The following SYNE1 variants were observed in gnomAD, a reference collection of about 807,000 sequenced individuals.
SYNE1 encodes the protein nesprin-1.
SYNE1 carries 616 observed loss-of-function variants against 1,111.0 expected under a neutral mutation model. The observed-to-expected ratio is 0.55, with a 90% CI of 0.52 to 0.59. The LOEUF (loss-of-function observed/expected upper bound fraction) is 0.59, where lower values mean the gene tolerates loss of function less well. Among genes scored for constraint, SYNE1 ranks in the 20% least tolerant of loss-of-function variants. The probability of loss-of-function intolerance (pLI) is 0.00; values close to 1 mark genes in which losing one functional copy is unlikely to be tolerated. For missense variants in SYNE1, 10,006 were observed against 10,417.0 expected (o/e 0.96, Z 1.72); for synonymous variants, 3,855 against 3,825.8 (o/e 1.01, Z -0.28).
chr6:152,364,453 C>T (rs1281339843), intron 63 of SYNE1, among the ~76,000 whole-genome samples: 1 of 148,012 alleles, frequency 6.8e-6, no homozygotes, highest in African/African-American at 2.5e-5. Context: ...CATTATGAAT[C>T]TTTTTTTTTT....
At chr6:152,459,424 G>A (rs1226134489) in intron 21 of SYNE1, among the ~76,000 whole-genome samples, 6 of 152,122 alleles carry the variant, frequency 3.9e-5, no homozygotes, top group Non-Finnish European at 5.9e-5. Flanking sequence ...TTCCCAGACA[G>A]GCCTGTGCTT....
At chr6:152,380,123 A>T (rs2097376901) in intron 56 of SYNE1, among the ~76,000 whole-genome samples, 1 of 152,226 alleles carries the variant, frequency 6.6e-6, no homozygotes, top group Non-Finnish European at 1.5e-5. Flanking sequence ...ATAAAGAGGT[A>T]GAAAGCTTTA....
intron 65 of SYNE1, among the ~76,000 whole-genome samples, 154 bp downstream of exon 65, chr6:152,359,161 T>G (rs1343562560): frequency 6.6e-6 from 1 of 152,248 alleles, no homozygotes; most frequent in Non-Finnish European, 1.5e-5. Context: ...GGTTTTTGAT[T>G]TTGCCAGTAA....
intron 125 of SYNE1, among the ~76,000 whole-genome samples, chr6:152,207,258 C>T (rs1310773128): frequency 2.0e-5 from 3 of 152,264 alleles, no homozygotes; most frequent in South Asian, 2.1e-4. Context: ...ACCACAGGTT[C>T]TGCTGGGACC....
Position 152,539,818 on chromosome 6 carries a change from A to T in SYNE1, c.129+142T>A, listed in dbSNP as rs1001588733. The T allele has an allele frequency of 4.8e-5, 46 of 953,110 alleles. No homozygotes were observed. In the African/African-American group the frequency reaches 7.0e-4, roughly 14 times the overall value. 59.0% of individuals were successfully genotyped at this position (953,110 alleles called of 1,614,324 possible). On this transcript the variant is annotated intron_variant, in intron 4 of 145. Transcript: ENST00000367255. The stretch of plus-strand genomic sequence containing the variant: ...TGTTAGCAAATTCCACTCTTAGGCA[A>T]CAGCTAGACCAACCAATAAGATTAC...
At chr6:152,404,099 T>C (rs528686914) in intron 46 of SYNE1, 114 bp downstream of exon 46, 30 of 520,492 alleles carry the variant, frequency 5.8e-5, no homozygotes, top group Admixed American at 1.1e-4. Context: ...GATATAGATA[T>C]ATGAGATATA....
At chr6:152,596,777 A>T (rs1380983548) in intron 3 of SYNE1, among the ~76,000 whole-genome samples, 1 of 152,186 alleles carries the variant, frequency 6.6e-6, no homozygotes, top group Non-Finnish European at 1.5e-5. Context: ...TTGAAAAGAG[A>T]TCTTTCTTCT....
chr6:152,533,761 T>A (rs964959273), intron 4 of SYNE1, among the ~76,000 whole-genome samples: 1 of 152,136 alleles, frequency 6.6e-6, no homozygotes, highest in African/African-American at 2.4e-5. Flanking sequence ...AGATGGTTAT[T>A]TTTTTTTCTG....
chr6:152,184,667 GA>G (rs2069243118), intron 128 of SYNE1, among the ~76,000 whole-genome samples: 1 of 149,668 alleles, frequency 6.7e-6, no homozygotes, highest in Admixed American at 6.6e-5. Context: ...TAGATAGATA[GA>G]TAGATAGATA....
chr6:152,253,622 G>A (rs1413796141), intron 104 of SYNE1, among the ~76,000 whole-genome samples: 5 of 152,008 alleles, frequency 3.3e-5, no homozygotes, highest in Admixed American at 1.3e-4. Flanking sequence ...TCAGAACAAC[G>A]TCTGCAGGAT....
intron 95 of SYNE1, among the ~76,000 whole-genome samples, chr6:152,290,631 T>A (rs1199270573): frequency 6.6e-6 from 1 of 152,114 alleles, no homozygotes; most frequent in East Asian, 1.9e-4. Flanking sequence ...TTCAGTAGTT[T>A]AGACAAGTGT....
chr6:152,143,502 G>C, intron 138 of SYNE1, 121 bp downstream of exon 138: 1 of 1,429,846 alleles, frequency 7.0e-7, no homozygotes, highest in Non-Finnish European at 9.8e-7. Flanking sequence ...CCAGGTTCAC[G>C]AGTTCAAGGG....
At position 152,358,431 on chromosome 6, in the gene SYNE1, T is replaced by C; in HGVS notation, c.10550A>G (p.Gln3517Arg). Residue 3517 changes from glutamine (Q) to arginine (R), a missense_variant, in exon 66 of 146, where the codon CAG becomes CGG. This residue lies in a region of SYNE1 where 4,955 missense variants were observed against 5,017.2 expected (regional missense o/e 0.99). Coordinates refer to ENST00000367255, the MANE Select transcript of SYNE1 (RefSeq NM_182961.4). ...GGCATCACCTTCAAGAACTGAATAC[T>C]GGTCGAGCTTTTCTTGTTCTTGCCC... ...WLGQEQEKLD[Q>R]YSVLEGDAHT... 1 of 1,614,220 alleles carries C rather than the reference T, an allele frequency of 6.2e-7. No individual in the cohort carries two copies. The highest frequency in any genetic ancestry group is 1.1e-5 in the South Asian group (1 of 91,082).
intron 142 of SYNE1, 150 bp downstream of exon 142, chr6:152,134,954 C>A: frequency 1.0e-6 from 1 of 964,306 alleles, no homozygotes; most frequent in South Asian, 1.5e-5. Context: ...AGATTGGAAA[C>A]CACAGGGAGT....
intron 91 of SYNE1, 96 bp from the exon 92 acceptor site, chr6:152,302,159 C>T: frequency 1.9e-6 from 3 of 1,546,090 alleles, no homozygotes; most frequent in South Asian, 1.1e-5. Context: ...CCAATGAGCG[C>T]GCAGAGCCGC....
intron 46 of SYNE1, 63 bp from the exon 47 acceptor site, chr6:152,401,404 A>G: frequency 1.3e-6 from 2 of 1,522,832 alleles, no homozygotes; most frequent in Non-Finnish European, 1.8e-6. Context: ...ATTCAGTAGA[A>G]ATTCTGTTCA....
At chr6:152,368,853 G>T in intron 61 of SYNE1, 119 bp downstream of exon 61, 1 of 1,276,000 alleles carries the variant, frequency 7.8e-7, no homozygotes, top group Non-Finnish European at 1.1e-6. Context: ...CCTTACTGCT[G>T]ACCTGGAGAC....
intron 126 of SYNE1, among the ~76,000 whole-genome samples, chr6:152,203,963 A>G (rs2076011659): frequency 1.3e-5 from 2 of 152,200 alleles, no homozygotes; most frequent in African/African-American, 4.8e-5. Flanking sequence ...TAGTGAGGGT[A>G]GACAAAAAGT....
intron 28 of SYNE1, among the ~76,000 whole-genome samples, chr6:152,448,724 C>T (rs547497058): frequency 6.6e-6 from 1 of 152,202 alleles, no homozygotes; most frequent in South Asian, 2.1e-4. Flanking sequence ...TGACTACAGT[C>T]CCAGCTACTC....
Sources: gnomAD v4.1 joint callset for allele counts (sites outside exome capture counted in the v4.1 genomes callset) on GRCh38, gnomAD v4.1.1 for gene constraint, gnomAD v4.1.1 regional missense constraint, MANE v1.5 for transcripts, NCBI Gene and HGNC (gene_info 2026-07-23, HGNC 2026-07-21) for gene names.